TNMD: variants seen among roughly 807,000 people sequenced by gnomAD.
The protein encoded by TNMD is BRICHOS domain containing 4.
Under a neutral mutation model 26.9 loss-of-function variants are expected in TNMD, and 15 were observed. The observed-to-expected ratio is 0.56, with a 90% CI of 0.37 to 0.86. TNMD has a LOEUF of 0.86. Ranked by LOEUF, TNMD falls within the 40% of genes least tolerant of loss-of-function variation. The pLI, the probability that TNMD is intolerant of heterozygous loss-of-function variation, is 0.00. For missense variants in TNMD, 222 were observed against 242.6 expected, an observed-to-expected ratio of 0.92 and a Z score of 0.56; for synonymous variants, 73 against 77.0, an observed-to-expected ratio of 0.95 and a Z score of 0.27.
At chrX:100,596,701 G>A (rs1056335792) in intron 4 of TNMD, among the ~76,000 whole-genome samples, 2 of 111,728 alleles carry the variant, frequency 1.8e-5, no homozygotes, top group Non-Finnish European at 3.8e-5. Context: ...TCTCAAGGTC[G>A]TTACAGACTC....
At chrX:100,588,161 TC>T (rs1196452010) in intron 2 of TNMD, among the ~76,000 whole-genome samples, 1 of 111,678 alleles carries the variant, frequency 9.0e-6, no homozygotes, top group African/African-American at 3.3e-5. Context: ...AATAAGTCCT[TC>T]TCCTCACTCC....
intron 4 of TNMD, among the ~76,000 whole-genome samples, chrX:100,596,823 T>C (rs1279316377): frequency 8.9e-6 from 1 of 111,968 alleles, no homozygotes; most frequent in African/African-American, 3.2e-5. Flanking sequence ...GAAAGTGGCA[T>C]CCTTCACAAT....
At chrX:100,599,393 T>A in intron 6 of TNMD, 115 bp from the exon 7 acceptor site, 9 of 728,049 alleles carry the variant, frequency 1.2e-5, no homozygotes, top group Non-Finnish European at 1.8e-5. Context: ...CTAAGGAGCT[T>A]AATTTCTCAC....
chrX:100,595,590 C>T (rs1431087200), intron 4 of TNMD, among the ~76,000 whole-genome samples: 3 of 108,183 alleles, frequency 2.8e-5, no homozygotes, highest in East Asian at 2.9e-4. Context: ...TATTTGGGGG[C>T]GGTGGGTGGG....
chrX:100,593,582 T>G, intron 2 of TNMD: 1 of 149,378 alleles, frequency 6.7e-6, no homozygotes, highest in Non-Finnish European at 1.2e-5. Context: ...GGCGGGGCAG[T>G]AAGGGGGGGG....
At chrX:100,590,726 G>A (rs1366098221) in intron 2 of TNMD, among the ~76,000 whole-genome samples, 2 of 111,297 alleles carry the variant, frequency 1.8e-5, no homozygotes, top group African/African-American at 3.3e-5. Flanking sequence ...GGTTCTTATA[G>A]TTAAGGCCAG....
At chrX:100,590,117 G>C (rs2082933123) in intron 2 of TNMD, among the ~76,000 whole-genome samples, 1 of 112,181 alleles carries the variant, frequency 8.9e-6, no homozygotes, top group Non-Finnish European at 1.9e-5. Context: ...CTCTGTGTTG[G>C]TAAAGAAATA....
chrX:100,591,833 C>A (rs1474111671), intron 2 of TNMD, among the ~76,000 whole-genome samples: 1 of 111,978 alleles, frequency 8.9e-6, no homozygotes, highest in Admixed American at 9.4e-5. Context: ...TAATCAAGAT[C>A]TGCTGAGCTT....
At chrX:100,593,666 C>T in intron 2 of TNMD, 1 of 306,132 alleles carries the variant, frequency 3.3e-6, no homozygotes, top group Non-Finnish European at 5.5e-6. Flanking sequence ...GATCCCTCAG[C>T]TTAACACAAG....
At position 100,593,861 on chromosome X, in the gene TNMD, G is replaced by A. The variant is rs754481263; in HGVS notation, c.181-34G>A. 5.0e-6 allele frequency: 6 copies of A among 1,200,699 alleles called. No homozygotes were observed. The Admixed American group carries it at 1.3e-4, about 27-fold the overall frequency. ...GCACCTCACTTTAGGGACACACTGA[G>A]TATCTTAGAGATTGTTTTCCTCTGT... On this transcript the variant is annotated intron_variant, in intron 2 of 6. Coordinates refer to ENST00000373031, the MANE Select transcript of TNMD (RefSeq NM_022144.3).
chrX:100,588,785 A>C lies in TNMD; in HGVS notation c.180+3423A>C, dbSNP rs144028006. ...ATCCCTGCCAATCCTTTGTGGAGCG[A>C]GGCAGAAGAATCATACATTTAATAA... On this transcript the variant is annotated intron_variant, in intron 2 of 6. Transcript: ENST00000373031. 8.4e-3 allele frequency among the ~76,000 whole-genome samples: 939 copies of C among 112,029 alleles called. 8 individuals are homozygous for C. The highest frequency in any genetic ancestry group is 0.029 in the African/African-American group (890 of 30,864).
chrX:100,586,389 TTGGCA>T (rs1176172564), intron 2 of TNMD, among the ~76,000 whole-genome samples: 2 of 110,896 alleles, frequency 1.8e-5, no homozygotes, highest in Non-Finnish European at 3.8e-5. Flanking sequence ...AGAAAATGGG[TTGGCA>T]TGGACCGTTA....
Position 100,593,953 on chromosome X carries a change from A to C in TNMD, c.239A>C (p.Glu80Ala). Residue 80 changes from glutamate (E) to alanine (A), a missense_variant, in exon 3 of 7, where the codon GAA (glutamate) becomes GCA (alanine). Transcript: ENST00000373031. Reference protein sequence around the residue: ...SNGEKKKIYMEIDPVTRTEIF... With the variant: ...SNGEKKKIYMAIDPVTRTEIF... ...GGAGAGAAGAAGAAGATTTACATGGAAATTGATCCTGTGACCAGAACTGAA... is the reference window on the plus strand; with the variant it reads ...GGAGAGAAGAAGAAGATTTACATGGCAATTGATCCTGTGACCAGAACTGAA... 1 of 1,210,368 alleles carries C rather than the reference A, an allele frequency of 8.3e-7. No individual in the cohort carries two copies. The highest frequency in any genetic ancestry group is 1.1e-6 in the Non-Finnish European group (1 of 894,393).
chrX:100,594,795 G>A (rs931249839), intron 4 of TNMD, among the ~76,000 whole-genome samples: 2 of 112,064 alleles, frequency 1.8e-5, no homozygotes, highest in Non-Finnish European at 3.8e-5. Flanking sequence ...TGCCACTTTT[G>A]TCACACTTCA....
rs1268958745 is a variant in TNMD, at chrX:100,594,040, G to C, written c.321+5G>C. The C allele has an allele frequency of 8.3e-7, 1 of 1,204,743 alleles. No homozygotes were observed. Among genetic ancestry groups the C allele is most frequent in the Non-Finnish European group, 1.1e-6 (1 of 892,473 alleles). ...GAAGTGCACGACTTTAAAAACGTAA[G>C]TTGGATGTTTTCCTCCTAAGGCTTT... On this transcript the variant is annotated splice_donor_5th_base_variant and intron_variant, in intron 3 of 6. Coordinates refer to ENST00000373031, the MANE Select transcript of TNMD (RefSeq NM_022144.3).
intron 5 of TNMD, 56 bp downstream of exon 5, chrX:100,597,713 T>C (rs2082956993): frequency 3.6e-6 from 4 of 1,099,174 alleles, no homozygotes; most frequent in Non-Finnish European, 5.0e-6. Context: ...AACAGGTTAA[T>C]GTTCCCAGCA....
intron 5 of TNMD, among the ~76,000 whole-genome samples, 155 bp from the exon 6 acceptor site, chrX:100,598,861 T>A (rs745600157): frequency 8.9e-6 from 1 of 112,217 alleles, no homozygotes; most frequent in Non-Finnish European, 1.9e-5. Flanking sequence ...CTCTAAAATA[T>A]CAGCTGAAGG....
intron 2 of TNMD, among the ~76,000 whole-genome samples, chrX:100,591,200 G>T (rs891505228): frequency 1.8e-5 from 2 of 111,424 alleles, no homozygotes; most frequent in Non-Finnish European, 3.8e-5. Context: ...TTGGGCAGGG[G>T]TGTACTCCTC....
intron 2 of TNMD, chrX:100,593,641 G>GC (rs1241359759): frequency 2.9e-5 from 7 of 240,073 alleles, no homozygotes; most frequent in Non-Finnish European, 4.3e-5. Context: ...TAAAGAAGCA[G>GC]CATAGGTTTT....
Sources: allele counts gnomAD v4.1 joint callset (sites outside exome capture counted in the v4.1 genomes callset), GRCh38; gene constraint gnomAD v4.1.1; transcripts MANE v1.5; gene names NCBI Gene and HGNC (gene_info 2026-07-23, HGNC 2026-07-21).